The following ELL variants were observed in gnomAD, a reference collection of about 807,000 sequenced individuals.
ELL encodes elongation factor for RNA polymerase II.
ELL carries 18 observed loss-of-function variants against 64.0 expected under a neutral mutation model. The ratio of observed to expected loss-of-function variants is 0.28; its 90% confidence interval spans 0.19 to 0.42. The LOEUF (loss-of-function observed/expected upper bound fraction) is 0.42. Ranked by LOEUF, ELL falls within the 10% of genes least tolerant of loss-of-function variation. The pLI, the probability that ELL is intolerant of heterozygous loss-of-function variation, is 1.00. For synonymous variants in ELL, 399 were observed against 376.2 expected, an observed-to-expected ratio of 1.06 and a Z score of -0.70; for missense variants, 797 against 870.4, an observed-to-expected ratio of 0.92 and a Z score of 1.06.
At chr19:18,476,353 C>T (rs1057363152) in intron 1 of ELL, among the ~76,000 whole-genome samples, 2 of 152,182 alleles carry the variant, frequency 1.3e-5, no homozygotes, top group African/African-American at 4.8e-5. Context: ...GATGCTGAGG[C>T]CAGTTAGGGT....
intron 1 of ELL, among the ~76,000 whole-genome samples, chr19:18,483,617 G>A (rs760319389): frequency 6.6e-6 from 1 of 152,318 alleles, no homozygotes; most frequent in East Asian, 1.9e-4. Context: ...AGGGCTGCCC[G>A]AGGTCACAGC....
intron 2 of ELL, among the ~76,000 whole-genome samples, chr19:18,466,673 A>G (rs1974943169): frequency 1.3e-5 from 2 of 152,204 alleles, no homozygotes. Context: ...ATCAGAGGCC[A>G]TTGCATTCCA....
At chr19:18,515,424 G>A (rs1976107398) in intron 1 of ELL, among the ~76,000 whole-genome samples, 1 of 152,248 alleles carries the variant, frequency 6.6e-6, no homozygotes, top group African/African-American at 2.4e-5. Flanking sequence ...CATGACACTT[G>A]GATTCTGAGT....
chr19:18,465,845 C>T lies in ELL; in HGVS notation c.257G>A (p.Arg86His). 5.9e-6 allele frequency: 8 copies of T among 1,346,284 alleles called. No homozygotes were observed. The highest frequency in any genetic ancestry group is 6.7e-6 in the Non-Finnish European group (7 of 1,039,578). 83.4% of individuals were successfully genotyped at this position (1,346,284 alleles called of 1,614,324 possible). ...GTCGAAGCTGCCCTGGGGGTTGTCG[C>T]GGCCGATGTTGGAGAGGTAGAAGGA... ...TFSFYLSNIG[R>H]DNPQGSFDCI... The change falls in exon 3 of 12, where the codon CGC (arginine) becomes CAC (histidine). Residue 86 changes from arginine to histidine, a missense_variant. Transcript: ENST00000262809.
intron 1 of ELL, among the ~76,000 whole-genome samples, chr19:18,490,272 A>AACCACACTTGCTTCTT (rs1487198668): frequency 7.6e-6 from 1 of 132,056 alleles, no homozygotes; most frequent in Non-Finnish European, 1.6e-5. Flanking sequence ...GAACCATTTG[A>AACCACACTTGCTTCTT]GGGCCGGCTG....
rs953885479 is a variant in ELL at position 18,451,974 on chromosome 19, C to T, written c.870-326G>A. 5.3e-5 allele frequency among the ~76,000 whole-genome samples: 8 copies of T among 152,328 alleles called. No individual in the cohort carries two copies. The East Asian group carries it at 7.7e-4, about 15-fold the overall frequency. ...AGACAGCTGTTCATCCTGTTCAGAA[C>T]GCTCACTGCAGAAACTGTCCAAAAT... On this transcript the variant is annotated intron_variant, in intron 6 of 11. Coordinates refer to ENST00000262809, the MANE Select transcript of ELL (RefSeq NM_006532.4).
rs1600416009 is a variant in ELL, at chr19:18,444,885, T to C, written c.1750-17A>G. On this transcript the variant is annotated splice_polypyrimidine_tract_variant and intron_variant, in intron 11 of 11. Coordinates refer to ENST00000262809, the MANE Select transcript of ELL (RefSeq NM_006532.4). ...GGTGTTGGTCTGTGGGACAGCACAG[T>C]CATGCTCAGGACAGAGCCGCCCTGG... The C allele has an allele frequency of 6.2e-7, 1 of 1,607,290 alleles. No homozygotes were observed. Among genetic ancestry groups the C allele is most frequent in the Non-Finnish European group, 8.5e-7 (1 of 1,177,848 alleles).
At chr19:18,505,661 T>A (rs938876234) in intron 1 of ELL, among the ~76,000 whole-genome samples, 25 of 152,102 alleles carry the variant, frequency 1.6e-4, no homozygotes, top group African/African-American at 6.0e-4. Flanking sequence ...GCAAGCCACC[T>A]AAGGCACCAG....
At chr19:18,446,017 CAT>C (rs912553456) in intron 10 of ELL, 89 of 421,394 alleles carry the variant, frequency 2.1e-4, no homozygotes, top group South Asian at 1.4e-3. Context: ...GGCGCTCAAA[CAT>C]GTGGGGATCC....
chr19:18,451,037 T>TC (rs1974520809), intron 7 of ELL, 62 bp from the exon 8 acceptor site: 1 of 1,450,222 alleles, frequency 6.9e-7, no homozygotes, highest in Non-Finnish European at 9.1e-7. Flanking sequence ...CAACAGGCAA[T>TC]CCCCTGGCCT....
intron 2 of ELL, among the ~76,000 whole-genome samples, chr19:18,467,552 C>G (rs756862087): frequency 2.0e-5 from 3 of 151,768 alleles, no homozygotes; most frequent in African/African-American, 4.8e-5. Context: ...CACTCAGCAT[C>G]GGAGAAATCA....
intron 1 of ELL, among the ~76,000 whole-genome samples, chr19:18,502,627 TGAA>T (rs1975803591): frequency 1.3e-5 from 2 of 152,078 alleles, no homozygotes; most frequent in Admixed American, 1.3e-4. Flanking sequence ...AGATGACAAC[TGAA>T]GAAGCCGAGG....
At chr19:18,480,183 G>A (rs1006229836) in intron 1 of ELL, among the ~76,000 whole-genome samples, 1 of 152,234 alleles carries the variant, frequency 6.6e-6, no homozygotes, top group African/African-American at 2.4e-5. Context: ...TGAAGTCCCG[G>A]GAAGAGCCCT....
chr19:18,461,926 G>A, intron 4 of ELL, 74 bp from the exon 5 acceptor site: 1 of 1,543,432 alleles, frequency 6.5e-7, no homozygotes, highest in South Asian at 1.2e-5. Flanking sequence ...CTGACCAGGT[G>A]CCCAGAGGTT....
At chr19:18,452,556 T>G (rs1357818344) in intron 6 of ELL, among the ~76,000 whole-genome samples, 1 of 152,152 alleles carries the variant, frequency 6.6e-6, no homozygotes, top group Non-Finnish European at 1.5e-5. Context: ...GCATGAGTGG[T>G]GACTGCTGCA....
Position 18,444,678 on chromosome 19 carries a change from T to C in ELL, c.*74A>G, listed in dbSNP as rs1974371772. On this transcript the variant is annotated 3_prime_UTR_variant, in exon 12 of 12. Transcript: ENST00000262809. Reference sequence around the variant, plus strand: ...AGATGAGCATCTTCCTCGGGTTTATTTTTTTAAATAAATCCTCTCTCACCG... The same window carrying C: ...AGATGAGCATCTTCCTCGGGTTTATCTTTTTAAATAAATCCTCTCTCACCG... 1 of 1,455,004 alleles carries C rather than the reference T, an allele frequency of 6.9e-7. No individual in the cohort carries two copies. Among genetic ancestry groups the C allele is most frequent in the South Asian group, 1.3e-5 (1 of 78,244 alleles). The allele number at this position is 1,455,004 out of a possible 1,614,324, so 90.1% of individuals were successfully genotyped here.
intron 1 of ELL, among the ~76,000 whole-genome samples, chr19:18,519,159 G>A (rs909042690): frequency 1.3e-5 from 2 of 150,734 alleles, no homozygotes; most frequent in Admixed American, 6.6e-5. Flanking sequence ...TCAGGAGATC[G>A]AAACCATCCT....
At chr19:18,517,302 G>A (rs1467844315) in intron 1 of ELL, among the ~76,000 whole-genome samples, 1 of 152,140 alleles carries the variant, frequency 6.6e-6, no homozygotes, top group African/African-American at 2.4e-5. Context: ...CTGTTACCCA[G>A]GCTGGAGTGC....
Position 18,491,249 on chromosome 19 carries a change from A to AT in ELL, c.136-18368dup, listed in dbSNP as rs565016319. ...AGGTGCTCACCACCACACCTGGCTAATTTTTTTTTTTTTTTTTTTTTTTTT... is the reference window on the plus strand; with the variant it reads ...AGGTGCTCACCACCACACCTGGCTAATTTTTTTTTTTTTTTTTTTTTTTTTT... On this transcript the variant is annotated intron_variant, in intron 1 of 11. Coordinates refer to ENST00000262809, the MANE Select transcript of ELL (RefSeq NM_006532.4). 1.1e-3 allele frequency among the ~76,000 whole-genome samples: 80 copies of AT among 72,470 alleles called. 1 individual carries two copies. Among genetic ancestry groups the AT allele is most frequent in the Non-Finnish European group, 1.9e-3 (71 of 36,522 alleles). 47.5% of individuals were successfully genotyped at this position (72,470 alleles called of 152,430 possible). A position where few individuals can be genotyped will look rare whatever the true frequency, so the allele number is the denominator to read the frequency against.
Sources: gnomAD v4.1 joint callset for allele counts (sites outside exome capture counted in the v4.1 genomes callset) on GRCh38, gnomAD v4.1.1 for gene constraint, MANE v1.5 for transcripts, NCBI Gene and HGNC (gene_info 2026-07-23, HGNC 2026-07-21) for gene names.